SLA: variants seen among roughly 807,000 people sequenced by gnomAD.
SLA encodes the protein Src like adaptor.
In SLA, 16 loss-of-function variants were observed where a neutral mutation model predicts 30.3. The observed-to-expected ratio is 0.53, with a 90% CI of 0.36 to 0.80. The LOEUF (loss-of-function observed/expected upper bound fraction) is 0.80. Ranked by LOEUF, SLA falls within the 30% of genes least tolerant of loss-of-function variation. SLA has a pLI of 0.01. For missense variants in SLA, 310 were observed against 345.2 expected, an observed-to-expected ratio of 0.90 and a Z score of 0.81; for synonymous variants, 143 against 137.8, an observed-to-expected ratio of 1.04 and a Z score of -0.26.
intron 1 of SLA, among the ~76,000 whole-genome samples, chr8:133,092,189 T>C (rs1342301639): frequency 6.6e-6 from 1 of 152,206 alleles, no homozygotes; most frequent in Non-Finnish European, 1.5e-5. Context: ...TGCGTGAGTG[T>C]GTCTCCATCT....
At chr8:133,049,789 T>C (rs1840069862) in intron 5 of SLA, 113 bp downstream of exon 5, 2 of 788,892 alleles carry the variant, frequency 2.5e-6, no homozygotes, top group Admixed American at 1.9e-5. Flanking sequence ...GGACTATCTC[T>C]TCTTGACCCA....
chr8:133,042,799 T>C (rs1199797427), intron 7 of SLA, among the ~76,000 whole-genome samples: 1 of 147,834 alleles, frequency 6.8e-6, no homozygotes, highest in Non-Finnish European at 1.5e-5. Context: ...GTTCAAGTGA[T>C]TCCCCTGCCT....
At position 133,089,085 on chromosome 8, in the gene SLA, T is replaced by C. The variant is rs932764114; in HGVS notation, c.-319+13468A>G. On this transcript the variant is annotated intron_variant, in intron 1 of 8. Coordinates refer to ENST00000338087, the MANE Select transcript of SLA (RefSeq NM_001045556.3). Reference sequence around the variant, plus strand: ...TGGGTGAGTTCCCAGGAGAGGTCGGTGCGAGGGTGGAGACATGGCACTCTG... The same window carrying C: ...TGGGTGAGTTCCCAGGAGAGGTCGGCGCGAGGGTGGAGACATGGCACTCTG... 2.0e-5 allele frequency among the ~76,000 whole-genome samples: 3 copies of C among 152,158 alleles called. No individual in the cohort carries two copies. The East Asian group carries it at 5.8e-4, about 29-fold the overall frequency.
At chr8:133,097,683 A>G (rs1281525598) in intron 1 of SLA, among the ~76,000 whole-genome samples, 1 of 152,256 alleles carries the variant, frequency 6.6e-6, no homozygotes, top group African/African-American at 2.4e-5. Context: ...GAGTAAAAAG[A>G]TTCACAACAT....
intron 1 of SLA, among the ~76,000 whole-genome samples, chr8:133,085,539 G>A (rs144447729): frequency 7.9e-4 from 120 of 152,240 alleles, no homozygotes; most frequent in African/African-American, 2.7e-3. Context: ...CTGAAAATAA[G>A]CAAGGGATCT....
intron 3 of SLA, among the ~76,000 whole-genome samples, chr8:133,055,719 TA>T (rs1431841988): frequency 2.0e-5 from 3 of 152,110 alleles, no homozygotes. Flanking sequence ...TCAAAATGAA[TA>T]TTTTGGACTG....
intron 1 of SLA, among the ~76,000 whole-genome samples, chr8:133,080,553 G>A (rs1362397943): frequency 6.6e-6 from 1 of 152,090 alleles, no homozygotes; most frequent in Non-Finnish European, 1.5e-5. Flanking sequence ...AGGCCCTGCT[G>A]CTATCCTCCT....
Position 133,102,522 on chromosome 8 carries a change from G to A in SLA, c.-319+31C>T, listed in dbSNP as rs766650829. On this transcript the variant is annotated intron_variant, in intron 1 of 8. Transcript: ENST00000338087. ...CAGGCCACCTATGGCCCACCCAGGG[G>A]GTCCCAATGACAGCAAAGTTAGCAA... 2.1e-5 allele frequency: 33 copies of A among 1,550,386 alleles called. No individual in the cohort carries two copies. The South Asian group carries it at 3.2e-4, about 15-fold the overall frequency.
intron 8 of SLA, 45 bp downstream of exon 8, chr8:133,039,953 G>GCA (rs3835182): frequency 0.078 from 105,859 of 1,356,268 alleles, 2,771 homozygotes; most frequent in African/African-American, 0.35. Flanking sequence ...GCACTTGCAT[G>GCA]CACACACACA....
intron 1 of SLA, among the ~76,000 whole-genome samples, chr8:133,082,439 GGCCTTAATC>G (rs1388074483): frequency 1.3e-5 from 2 of 152,164 alleles, no homozygotes; most frequent in African/African-American, 4.8e-5. Flanking sequence ...ACTTTCTTAA[GGCCTTAATC>G]GTTTTTGATT....
chr8:133,050,788 T>C, intron 4 of SLA, 28 bp downstream of exon 4: 1 of 1,400,672 alleles, frequency 7.1e-7, no homozygotes, highest in Non-Finnish European at 1.0e-6. Context: ...GCTTTGAAGA[T>C]TGCACAAGTT....
intron 3 of SLA, 120 bp from the exon 4 acceptor site, chr8:133,051,035 G>A: frequency 1.6e-6 from 1 of 643,126 alleles, no homozygotes; most frequent in Non-Finnish European, 2.8e-6. Context: ...TACCTTTCTT[G>A]TTTTGAACCA....
At chr8:133,084,415 G>C (rs1205778330) in intron 1 of SLA, among the ~76,000 whole-genome samples, 1 of 152,144 alleles carries the variant, frequency 6.6e-6, no homozygotes, top group Admixed American at 6.5e-5. Flanking sequence ...ACAATGGAAG[G>C]GAGGCTCAGG....
chr8:133,084,254 C>G (rs1469730190), intron 1 of SLA, among the ~76,000 whole-genome samples: 1 of 152,094 alleles, frequency 6.6e-6, no homozygotes, highest in African/African-American at 2.4e-5. Context: ...CTAGGCAGTC[C>G]CCACTGCTCT....
chr8:133,058,968 GC>G, intron 3 of SLA: 1 of 478,248 alleles, frequency 2.1e-6, no homozygotes, highest in Non-Finnish European at 4.2e-6. Flanking sequence ...GGCATTGGAG[GC>G]CATCAGACCA....
At chr8:133,047,777 C>A in intron 6 of SLA, 53 bp downstream of exon 6, 1 of 1,018,392 alleles carries the variant, frequency 9.8e-7, no homozygotes, top group Non-Finnish European at 1.6e-6. Context: ...CAGCCAGGAG[C>A]AAAACATGCT....
rs555727868 is a variant in SLA, at chr8:133,044,922, AC to A, written c.484+61del. ...CTCTGCATTCCAGACGGATGGCGCC[AC>A]AGAGCAATTAGCTAAGAGGGGTCCC... On this transcript the variant is annotated intron_variant, in intron 7 of 8. Coordinates refer to ENST00000338087, the MANE Select transcript of SLA (RefSeq NM_001045556.3). The A allele has an allele frequency of 4.2e-4, 652 of 1,565,866 alleles. 6 individuals carry two copies. In the African/African-American group the frequency reaches 8.2e-3, roughly 20 times the overall value.
In SLA at chr8:133,084,339, G is replaced by A. The variant is rs148510062; in HGVS notation, c.-318-9209C>T. ...AAGAAGCAGTCAGGGTCTTTTACAA[G>A]TTATAATGATGAAATTATTTTTAAA... On this transcript the variant is annotated intron_variant, in intron 1 of 8. Transcript: ENST00000338087. Among the ~76,000 whole-genome samples the A allele has an allele frequency of 1.4e-3, 206 of 152,268 alleles. 1 individual carries two copies. The highest frequency in any genetic ancestry group is 4.9e-3 in the African/African-American group (202 of 41,540).
chr8:133,090,715 A>G lies in SLA; in HGVS notation c.-319+11838T>C, dbSNP rs571915290. Among the ~76,000 whole-genome samples, 59 of 152,320 alleles carry G rather than the reference A, an allele frequency of 3.9e-4. No individual in the cohort carries two copies. The South Asian group carries it at 0.012, about 31-fold the overall frequency. ...CTTTAATCTGCACATCAGCTCTGTG[A>G]ACGCTGATCATAATATCTCCATTTT... On this transcript the variant is annotated intron_variant, in intron 1 of 8. Coordinates refer to ENST00000338087, the MANE Select transcript of SLA (RefSeq NM_001045556.3).
Sources: gnomAD v4.1 joint callset for allele counts (sites outside exome capture counted in the v4.1 genomes callset) on GRCh38, gnomAD v4.1.1 for gene constraint, MANE v1.5 for transcripts, NCBI Gene and HGNC (gene_info 2026-07-23, HGNC 2026-07-21) for gene names.